Variants in APBB2 observed in about 807,000 individuals in gnomAD.
APBB2 encodes Fe65-like 1.
In APBB2, 38 loss-of-function variants were observed where a neutral mutation model predicts 82.5. The observed-to-expected ratio is 0.46, with a 90% CI of 0.36 to 0.60. APBB2 has a LOEUF of 0.60. Ranked by LOEUF, APBB2 falls within the 20% of genes least tolerant of loss-of-function variation. The pLI is 0.00. For synonymous variants in APBB2, 341 were observed against 368.2 expected (o/e 0.93, Z 0.85); for missense variants, 772 against 972.3 (o/e 0.79, Z 2.74).
At chr4:41,193,522 C>T in intron 1 of APBB2, 1 of 982,136 alleles carries the variant, frequency 1.0e-6, no homozygotes, top group Non-Finnish European at 1.2e-6. Context: ...ATGGTACTCC[C>T]ACAGGCCCTC....
At chr4:40,901,401 C>T (rs940010313) in intron 10 of APBB2, among the ~76,000 whole-genome samples, 1 of 151,636 alleles carries the variant, frequency 6.6e-6, no homozygotes, top group African/African-American at 2.4e-5. Context: ...ATAAAGATAC[C>T]CCTAGGTGGT....
At chr4:41,092,688 C>CAAAAAAA (rs77137726) in intron 3 of APBB2, among the ~76,000 whole-genome samples, 1 of 93,892 alleles carries the variant, frequency 1.1e-5, no homozygotes, top group East Asian at 3.5e-4. Flanking sequence ...GACTCCGTCT[C>CAAAAAAA]AAAAAAAAAA....
At chr4:41,190,233 C>A (rs1353569754) in intron 1 of APBB2, among the ~76,000 whole-genome samples, 3 of 141,488 alleles carry the variant, frequency 2.1e-5, no homozygotes, top group African/African-American at 8.0e-5. Flanking sequence ...GAATTTCCTA[C>A]ATAGGCTATT....
chr4:41,213,677 G>C (rs1299538899), intron 1 of APBB2, among the ~76,000 whole-genome samples: 1 of 152,144 alleles, frequency 6.6e-6, no homozygotes, highest in South Asian at 2.1e-4. Context: ...CATTTCTAGC[G>C]TACCACCCTC....
At chr4:41,047,230 A>C (rs1014155836) in intron 4 of APBB2, among the ~76,000 whole-genome samples, 1 of 152,250 alleles carries the variant, frequency 6.6e-6, no homozygotes, top group Non-Finnish European at 1.5e-5. Context: ...TCGATACTCC[A>C]TTTCTGTTCT....
chr4:41,010,892 C>T (rs966300387), intron 6 of APBB2, among the ~76,000 whole-genome samples: 1 of 152,008 alleles, frequency 6.6e-6, no homozygotes, highest in Non-Finnish European at 1.5e-5. Context: ...AATAATGAAC[C>T]CGCACGTACC....
chr4:40,970,024 C>T (rs1289437489), intron 6 of APBB2, among the ~76,000 whole-genome samples: 1 of 152,174 alleles, frequency 6.6e-6, no homozygotes, highest in Non-Finnish European at 1.5e-5. Flanking sequence ...TGATATTACC[C>T]TAAACCTGCC....
intron 17 of APBB2, among the ~76,000 whole-genome samples, chr4:40,821,141 C>T (rs1042906282): frequency 6.6e-6 from 1 of 152,240 alleles, no homozygotes; most frequent in Admixed American, 6.5e-5. Flanking sequence ...GTTGGGATTA[C>T]AGGCGTAAGC....
intron 6 of APBB2, among the ~76,000 whole-genome samples, chr4:40,973,114 C>T (rs937069071): frequency 2.0e-5 from 3 of 152,176 alleles, no homozygotes; most frequent in African/African-American, 4.8e-5. Context: ...CTCCAATTTC[C>T]CTTCCAGATC....
chr4:41,054,890 C>A (rs528422380), intron 4 of APBB2, among the ~76,000 whole-genome samples: 2 of 152,116 alleles, frequency 1.3e-5, no homozygotes, highest in African/African-American at 4.8e-5. Flanking sequence ...CTCTCGCCAC[C>A]TCCCTGCCCC....
rs774612176 is a variant in APBB2 at position 40,827,247 on chromosome 4, G to C, written c.1645-28C>G. 25 of 1,605,958 alleles carry C rather than the reference G, an allele frequency of 1.6e-5. No individual in the cohort carries two copies. The Admixed American group carries it at 4.0e-4, about 26-fold the overall frequency. On this transcript the variant is annotated intron_variant, in intron 13 of 17. Transcript: ENST00000508593. The stretch of plus-strand genomic sequence containing the variant: ...AAGGGGGAAAAAGTGCAGCTTTGGA[G>C]CGTGGGTTCAAGCCCCCATGTCTTC...
intron 5 of APBB2, among the ~76,000 whole-genome samples, chr4:41,017,775 C>T (rs897925352): frequency 6.6e-6 from 1 of 152,060 alleles, no homozygotes; most frequent in African/African-American, 2.4e-5. Flanking sequence ...GTTGCAGAGA[C>T]ACACAGAGAG....
Position 40,847,455 on chromosome 4 carries a change from G to A in APBB2, c.1530-16878C>T, listed in dbSNP as rs546108034. Among the ~76,000 whole-genome samples the A allele has an allele frequency of 2.6e-5, 4 of 152,158 alleles. No homozygotes were observed. In the South Asian group the frequency reaches 8.3e-4, roughly 32 times the overall value. ...CCTGCCTGGGTGACAGAGCAAGACC[G>A]TCTCAAAAAAATAAAACAACACGAA... On this transcript the variant is annotated intron_variant, in intron 12 of 17. Transcript: ENST00000508593.
At chr4:40,878,450 T>A (rs1326564980) in intron 12 of APBB2, among the ~76,000 whole-genome samples, 3 of 152,178 alleles carry the variant, frequency 2.0e-5, no homozygotes, top group Admixed American at 6.6e-5. Context: ...TGTGTCTGCT[T>A]GGCTTTGTCC....
At chr4:40,986,902 G>T (rs1360768073) in intron 6 of APBB2, among the ~76,000 whole-genome samples, 2 of 152,090 alleles carry the variant, frequency 1.3e-5, no homozygotes, top group African/African-American at 4.8e-5. Context: ...CCGTCAATAC[G>T]GCAAAGGAGT....
chr4:40,882,237 C>A (rs921263264), intron 12 of APBB2, among the ~76,000 whole-genome samples: 3 of 152,142 alleles, frequency 2.0e-5, no homozygotes, highest in Non-Finnish European at 4.4e-5. Flanking sequence ...AAGAGGGGGG[C>A]TCTGACCTGC....
intron 1 of APBB2, among the ~76,000 whole-genome samples, chr4:41,182,457 G>C (rs1771696211): frequency 6.6e-6 from 1 of 152,142 alleles, no homozygotes; most frequent in Non-Finnish European, 1.5e-5. Context: ...CTCCAGTATT[G>C]GTGGTATAGT....
Position 41,046,776 on chromosome 4 carries a change from G to A in APBB2, c.-50-13472C>T, listed in dbSNP as rs568141930. On this transcript the variant is annotated intron_variant, in intron 4 of 17. Coordinates refer to ENST00000508593, the MANE Select transcript of APBB2 (RefSeq NM_004307.2). ...ACATCAGCAAGGGAAGCCGTCCCAAGGGCAGCTGCCTCCCAGGCAGCATGC... is the reference window on the plus strand; with the variant it reads ...ACATCAGCAAGGGAAGCCGTCCCAAAGGCAGCTGCCTCCCAGGCAGCATGC... 2.6e-5 allele frequency among the ~76,000 whole-genome samples: 4 copies of A among 152,288 alleles called. No homozygotes were observed. The South Asian group carries it at 8.3e-4, about 32-fold the overall frequency.
At chr4:40,887,043 T>A (rs566065872) in intron 12 of APBB2, among the ~76,000 whole-genome samples, 4 of 152,308 alleles carry the variant, frequency 2.6e-5, no homozygotes, top group African/African-American at 9.6e-5. Context: ...GCCTTCAGCA[T>A]AGTTGTGCGA....
Sources: allele counts gnomAD v4.1 joint callset (sites outside exome capture counted in the v4.1 genomes callset), GRCh38; gene constraint gnomAD v4.1.1; transcripts MANE v1.5; gene names NCBI Gene and HGNC (gene_info 2026-07-23, HGNC 2026-07-21).